FOXP2: variants seen among roughly 807,000 people sequenced by gnomAD.
The protein encoded by FOXP2 is forkhead box P2, also known as forkhead box protein P2.
FOXP2 carries 12 observed loss-of-function variants against 115.8 expected under a neutral mutation model. The ratio of observed to expected loss-of-function variants is 0.10; its 90% CI spans 0.07 to 0.17. The LOEUF (loss-of-function observed/expected upper bound fraction) is 0.17. FOXP2 is among the 10% of genes least tolerant of loss of function. The pLI is 1.00. For missense variants in FOXP2, 629 were observed against 843.5 expected, an observed-to-expected ratio of 0.75 and a Z score of 3.15; for synonymous variants, 328 against 297.7, an observed-to-expected ratio of 1.10 and a Z score of -1.05.
intron 1 of FOXP2, 44 bp downstream of exon 1, chr7:114,415,404 AGGGGTGG>A (rs1240974167): frequency 2.5e-6 from 1 of 401,298 alleles, no homozygotes; most frequent in Non-Finnish European, 4.9e-6. Context: ...GAGTTTAGAG[AGGGGTGG>A]GATTTTACGA....
chr7:114,215,305 TC>T (rs1304973402), intron 1 of FOXP2, among the ~76,000 whole-genome samples: 1 of 152,176 alleles, frequency 6.6e-6, no homozygotes, highest in Non-Finnish European at 1.5e-5. Context: ...GTCACATCAA[TC>T]CCCATTTTAC....
At chr7:114,237,186 A>C (rs1795031685) in intron 1 of FOXP2, among the ~76,000 whole-genome samples, 1 of 152,202 alleles carries the variant, frequency 6.6e-6, no homozygotes, top group South Asian at 2.1e-4. Flanking sequence ...TTATGCCCTG[A>C]AACATTTGTA....
intron 1 of FOXP2, among the ~76,000 whole-genome samples, chr7:114,235,831 A>T (rs747925868): frequency 9.2e-5 from 14 of 152,202 alleles, no homozygotes; most frequent in Non-Finnish European, 1.3e-4. Flanking sequence ...CCCACCTATT[A>T]GTTGTTCATT....
At chr7:114,477,824 T>C (rs1420999872) in intron 2 of FOXP2, among the ~76,000 whole-genome samples, 1 of 151,894 alleles carries the variant, frequency 6.6e-6, no homozygotes, top group Non-Finnish European at 1.5e-5. Flanking sequence ...GTTTATGAGA[T>C]AAAAATTATA....
chr7:114,467,467 A>G (rs369926681), intron 2 of FOXP2, among the ~76,000 whole-genome samples: 145 of 152,314 alleles, frequency 9.5e-4, no homozygotes, highest in African/African-American at 3.3e-3. Flanking sequence ...AGAGTAAGCC[A>G]CTAACTGCTT....
intron 2 of FOXP2, among the ~76,000 whole-genome samples, chr7:114,395,130 G>A (rs551632326): frequency 6.6e-6 from 1 of 152,262 alleles, no homozygotes; most frequent in African/African-American, 2.4e-5. Context: ...TTGTGACTAT[G>A]ACAGTATTTT....
At chr7:114,171,442 A>G (rs183348954) in intron 1 of FOXP2, among the ~76,000 whole-genome samples, 149 of 152,208 alleles carry the variant, frequency 9.8e-4, no homozygotes, top group Middle Eastern at 3.4e-3. Flanking sequence ...GCATGGTGTC[A>G]TGTGCCTGTA....
intron 1 of FOXP2, among the ~76,000 whole-genome samples, chr7:114,251,068 T>G (rs1363337003): frequency 1.3e-5 from 2 of 152,194 alleles, no homozygotes; most frequent in Non-Finnish European, 2.9e-5. Flanking sequence ...TTTCCCCATT[T>G]CTTGCTTTTG....
chr7:114,514,526 G>C (rs1420014475), intron 2 of FOXP2, among the ~76,000 whole-genome samples: 1 of 151,596 alleles, frequency 6.6e-6, no homozygotes, highest in Non-Finnish European at 1.5e-5. Context: ...TCTATTCCTG[G>C]TTTATTTTAC....
intron 2 of FOXP2, among the ~76,000 whole-genome samples, chr7:114,436,298 C>G (rs921794255): frequency 1.5e-4 from 22 of 151,598 alleles, no homozygotes; most frequent in African/African-American, 5.3e-4. Flanking sequence ...TTTGAAGCAT[C>G]TGTCACAGTT....
chr7:114,475,901 AAACATCTCTTACGATTTTGAAG>A (rs1478967160), intron 2 of FOXP2, among the ~76,000 whole-genome samples: 2 of 152,014 alleles, frequency 1.3e-5, no homozygotes, highest in African/African-American at 4.8e-5. Context: ...TAATAGTCAA[AAACATCTCTTACGATTTTGAAG>A]AATTTTCAGC....
intron 1 of FOXP2, among the ~76,000 whole-genome samples, chr7:114,142,274 G>A (rs908945448): frequency 2.0e-4 from 31 of 152,042 alleles, no homozygotes; most frequent in African/African-American, 7.0e-4. Context: ...CACCCGCCTT[G>A]GCCTCCCAAA....
intron 2 of FOXP2, among the ~76,000 whole-genome samples, chr7:114,395,860 G>A (rs561467143): frequency 1.4e-4 from 21 of 151,332 alleles, no homozygotes; most frequent in Non-Finnish European, 1.6e-4. Context: ...GGGGGGTCAC[G>A]TTTTCTTTCT....
chr7:114,526,773 T>A (rs997416067), intron 2 of FOXP2, among the ~76,000 whole-genome samples: 4 of 152,134 alleles, frequency 2.6e-5, no homozygotes, highest in African/African-American at 7.2e-5. Flanking sequence ...CACAATTTTT[T>A]AATATATAAC....
intron 1 of FOXP2, among the ~76,000 whole-genome samples, chr7:114,114,543 AAAC>A (rs1056710081): frequency 2.0e-5 from 3 of 152,138 alleles, no homozygotes; most frequent in African/African-American, 4.8e-5. Flanking sequence ...AAATCTTTTG[AAAC>A]AACAAGTGCA....
intron 1 of FOXP2, among the ~76,000 whole-genome samples, chr7:114,138,731 A>G (rs1158411755): frequency 6.6e-6 from 1 of 152,022 alleles, no homozygotes; most frequent in Non-Finnish European, 1.5e-5. Context: ...GACAGATCTC[A>G]GTTGAGGGAC....
chr7:114,153,083 G>A (rs1180586075), intron 1 of FOXP2, among the ~76,000 whole-genome samples: 1 of 152,126 alleles, frequency 6.6e-6, no homozygotes, highest in Non-Finnish European at 1.5e-5. Context: ...AAATAGTAAT[G>A]TAAGTAGAGT....
At chr7:114,506,386 T>C (rs922096952) in intron 2 of FOXP2, among the ~76,000 whole-genome samples, 1 of 151,634 alleles carries the variant, frequency 6.6e-6, no homozygotes, top group Non-Finnish European at 1.5e-5. Flanking sequence ...AAAACTGAGG[T>C]CTTAATCATG....
At chr7:114,688,790 T>C (rs779504724) in intron 16 of FOXP2, among the ~76,000 whole-genome samples, 3 of 152,190 alleles carry the variant, frequency 2.0e-5, no homozygotes, top group Non-Finnish European at 4.4e-5. Flanking sequence ...TTCATTAATT[T>C]AGAGTTAAAA....
Sources: gnomAD v4.1 joint callset for allele counts (sites outside exome capture counted in the v4.1 genomes callset) on GRCh38, gnomAD v4.1.1 for gene constraint, MANE v1.5 for transcripts, NCBI Gene and HGNC (gene_info 2026-07-23, HGNC 2026-07-21) for gene names.